The following MYO1D variants were observed in gnomAD, a reference collection of about 807,000 sequenced individuals.
MYO1D encodes myosin ID.
MYO1D carries 83 observed loss-of-function variants against 122.0 expected under a neutral mutation model. The ratio of observed to expected loss-of-function variants is 0.68; its 90% CI spans 0.57 to 0.82. MYO1D has a LOEUF of 0.82. MYO1D is among the 40% of genes least tolerant of loss of function. The probability of loss-of-function intolerance (pLI) is 0.00; values close to 1 mark genes in which losing one functional copy is unlikely to be tolerated. For synonymous variants in MYO1D, 464 were observed against 446.9 expected (o/e 1.04, Z -0.48); for missense variants, 1,157 against 1,269.5 (o/e 0.91, Z 1.35).
chr17:32,781,388 T>C (rs928211099), intron 1 of MYO1D, among the ~76,000 whole-genome samples: 7 of 152,202 alleles, frequency 4.6e-5, no homozygotes, highest in Admixed American at 1.3e-4. Context: ...CTGCTTTCTA[T>C]GAACAATACT....
At chr17:32,876,505 C>A (rs1567682573) in intron 1 of MYO1D, among the ~76,000 whole-genome samples, 1 of 152,176 alleles carries the variant, frequency 6.6e-6, no homozygotes, top group Non-Finnish European at 1.5e-5. Context: ...TGCACCTAAA[C>A]CCCGGACAGC....
intron 20 of MYO1D, among the ~76,000 whole-genome samples, chr17:32,622,269 G>T (rs1751422189): frequency 6.6e-6 from 1 of 152,030 alleles, no homozygotes. Flanking sequence ...CTTGAGTACA[G>T]GTCCTTGTAA....
chr17:32,742,312 G>T (rs2089782395), intron 13 of MYO1D, among the ~76,000 whole-genome samples: 1 of 152,136 alleles, frequency 6.6e-6, no homozygotes, highest in South Asian at 2.1e-4. Flanking sequence ...ATCCCCCATG[G>T]ATACTTCGGG....
At chr17:32,641,980 G>A (rs909606239) in intron 19 of MYO1D, among the ~76,000 whole-genome samples, 2 of 152,108 alleles carry the variant, frequency 1.3e-5, no homozygotes, top group Non-Finnish European at 1.5e-5. Flanking sequence ...CATTGCTTTT[G>A]GTGTTTTAGA....
chr17:32,509,220 T>C (rs192836060), intron 21 of MYO1D, among the ~76,000 whole-genome samples: 6 of 152,330 alleles, frequency 3.9e-5, no homozygotes, highest in Non-Finnish European at 8.8e-5. Flanking sequence ...TCAAGTGTGA[T>C]GAAAACATAT....
intron 16 of MYO1D, among the ~76,000 whole-genome samples, chr17:32,700,778 T>C (rs1002751171): frequency 6.6e-6 from 1 of 151,890 alleles, no homozygotes; most frequent in Non-Finnish European, 1.5e-5. Context: ...ACCCTGTTTC[T>C]ACTAAAAATA....
In MYO1D at chr17:32,659,293, C is replaced by T. The variant is rs761200190; in HGVS notation, c.2167G>A (p.Ala723Thr). The change falls in exon 17 of 22, where the codon GCA (alanine) becomes ACA (threonine). Residue 723 changes from alanine to threonine, a missense_variant. Transcript: ENST00000318217. ...TAGTACCTGATTATTGTCAGAGCTGCCTTGGTTCTTTTGTACCGCATGCGG... is the reference window on the plus strand; with the variant it reads ...TAGTACCTGATTATTGTCAGAGCTGTCTTGGTTCTTTTGTACCGCATGCGG... ...LARMRYKRTK[A>T]ALTIIRYYRR... 57 of 1,614,090 alleles carry T rather than the reference C, an allele frequency of 3.5e-5. No homozygotes were observed. The highest frequency in any genetic ancestry group is 4.6e-5 in the Non-Finnish European group (54 of 1,180,044).
intron 16 of MYO1D, among the ~76,000 whole-genome samples, chr17:32,711,613 T>G (rs2089376775): frequency 1.3e-5 from 2 of 150,122 alleles, no homozygotes; most frequent in South Asian, 4.2e-4. Context: ...GCCACTGCAC[T>G]CCAGCCTAGG....
intron 14 of MYO1D, among the ~76,000 whole-genome samples, chr17:32,732,877 C>T (rs1197536205): frequency 6.6e-6 from 1 of 152,234 alleles, no homozygotes; most frequent in African/African-American, 2.4e-5. Context: ...GGCTGATATA[C>T]TCTTTGGGGC....
At chr17:32,602,495 G>T (rs1477757747) in intron 21 of MYO1D, 1 of 152,102 alleles carries the variant, frequency 6.6e-6, no homozygotes, top group Non-Finnish European at 1.5e-5. Context: ...ATTTATTCTA[G>T]GGCCAATTAT....
chr17:32,690,302 A>G (rs993036558), intron 16 of MYO1D, among the ~76,000 whole-genome samples: 1 of 151,608 alleles, frequency 6.6e-6, no homozygotes, highest in Non-Finnish European at 1.5e-5. Context: ...CTGCCTCCCA[A>G]GTAGCTAGGA....
intron 21 of MYO1D, among the ~76,000 whole-genome samples, chr17:32,539,746 C>T (rs539639092): frequency 1.3e-5 from 2 of 152,276 alleles, no homozygotes; most frequent in Non-Finnish European, 2.9e-5. Flanking sequence ...CTGCAAAGAG[C>T]CTTTTTCCAA....
chr17:32,809,195 T>G (rs1373653504), intron 1 of MYO1D, among the ~76,000 whole-genome samples: 1 of 150,394 alleles, frequency 6.6e-6, no homozygotes, highest in Non-Finnish European at 1.5e-5. Flanking sequence ...ATAAGCTCAC[T>G]GCAGCCCCAA....
intron 11 of MYO1D, among the ~76,000 whole-genome samples, chr17:32,751,666 A>G (rs2089900601): frequency 6.6e-6 from 1 of 152,182 alleles, no homozygotes; most frequent in Admixed American, 6.5e-5. Flanking sequence ...AATCCCATTT[A>G]CAATATCCAC....
intron 15 of MYO1D, among the ~76,000 whole-genome samples, chr17:32,717,896 AT>A (rs1485074873): frequency 1.3e-5 from 2 of 152,162 alleles, no homozygotes; most frequent in African/African-American, 2.4e-5. Flanking sequence ...TTTTCAGTTC[AT>A]GCAAATCCCT....
chr17:32,702,758 T>C lies in MYO1D; in HGVS notation c.2121+9230A>G, dbSNP rs565202781. ...TTTCCTATAAAGACATGTCTGTAGT[T>C]TCACACAACTACAATGGAAGACTGC... is the stretch of plus-strand genomic sequence containing the variant. On this transcript the variant is annotated intron_variant, in intron 16 of 21. Transcript: ENST00000318217. Among the ~76,000 whole-genome samples the C allele has an allele frequency of 2.0e-3, 309 of 152,312 alleles. 3 individuals carry two copies. The highest frequency in any genetic ancestry group is 7.2e-3 in the African/African-American group (301 of 41,562).
At chr17:32,504,766 C>T (rs1909438087) in intron 21 of MYO1D, 1 of 152,268 alleles carries the variant, frequency 6.6e-6, no homozygotes, top group East Asian at 1.9e-4. Flanking sequence ...GACAAATCCC[C>T]GGAATGCTCT....
intron 1 of MYO1D, among the ~76,000 whole-genome samples, chr17:32,871,490 T>C (rs2091180118): frequency 6.6e-6 from 1 of 152,194 alleles, no homozygotes; most frequent in African/African-American, 2.4e-5. Context: ...CTTCAGATGA[T>C]TGCTTTTATG....
chr17:32,525,452 GTT>G (rs377722965), intron 21 of MYO1D, among the ~76,000 whole-genome samples: 3 of 143,520 alleles, frequency 2.1e-5, no homozygotes, highest in African/African-American at 7.6e-5. Context: ...AATTCCTTGG[GTT>G]TTTTTTTTTT....
Sources: gnomAD v4.1 joint callset for allele counts (sites outside exome capture counted in the v4.1 genomes callset) on GRCh38, gnomAD v4.1.1 for gene constraint, MANE v1.5 for transcripts, NCBI Gene and HGNC (gene_info 2026-07-23, HGNC 2026-07-21) for gene names.